ACSM2B: variants seen among roughly 807,000 people sequenced by gnomAD.
ACSM2B encodes acyl-CoA synthetase medium chain family member 2B.
A neutral mutation model predicts 78.6 loss-of-function variants in ACSM2B; 58 were observed. That is an observed-to-expected ratio of 0.74 (90% CI 0.60 to 0.92). The LOEUF (loss-of-function observed/expected upper bound fraction) is 0.92. Ranked by LOEUF, ACSM2B falls within the 40% of genes least tolerant of loss-of-function variation. ACSM2B has a pLI of 0.00. For missense variants in ACSM2B, 688 were observed against 711.2 expected, an observed-to-expected ratio of 0.97 and a Z score of 0.37; for synonymous variants, 257 against 256.8, an observed-to-expected ratio of 1.00 and a Z score of -0.01.
chr16:20,552,325 A>G (rs1359940518), intron 5 of ACSM2B, 28 bp from the exon 6 acceptor site: 2 of 1,597,160 alleles, frequency 1.3e-6, no homozygotes, highest in African/African-American at 1.3e-5. Context: ...ACACATGTAC[A>G]TATAGGTGGG....
At chr16:20,566,750 CT>C (rs2015897968) in intron 1 of ACSM2B, among the ~76,000 whole-genome samples, 1 of 42,440 alleles carries the variant, frequency 2.4e-5, no homozygotes, top group African/African-American at 2.3e-4. Context: ...ACTATATATA[CT>C]ATATATAGTA....
chr16:20,557,560 A>T (rs1413353857), intron 3 of ACSM2B, among the ~76,000 whole-genome samples: 1 of 152,190 alleles, frequency 6.6e-6, no homozygotes, highest in Non-Finnish European at 1.5e-5. Flanking sequence ...ATGACCATCC[A>T]AACAGAGGAT....
chr16:20,543,944 T>G (rs1000412809), intron 10 of ACSM2B, among the ~76,000 whole-genome samples: 2 of 151,966 alleles, frequency 1.3e-5, no homozygotes, highest in South Asian at 2.1e-4. Flanking sequence ...ACATCAAGAG[T>G]TTAGTCTGAA....
chr16:20,572,068 T>G (rs1436144539), intron 1 of ACSM2B, among the ~76,000 whole-genome samples: 2 of 150,644 alleles, frequency 1.3e-5, no homozygotes, highest in Admixed American at 6.6e-5. Context: ...CCATTTACAT[T>G]CAACATTAGT....
rs1403903132 is a variant in ACSM2B, at chr16:20,536,883, C to T, written c.*375G>A. 6.0e-6 allele frequency: 1 copy of T among 167,292 alleles called. No homozygotes were observed. The highest frequency in any genetic ancestry group is 2.4e-5 in the African/African-American group (1 of 41,916). 10.4% of individuals were successfully genotyped at this position (167,292 alleles called of 1,614,324 possible). A position where few individuals can be genotyped will look rare whatever the true frequency, so the allele number is the denominator to read the frequency against. On this transcript the variant is annotated 3_prime_UTR_variant, in exon 14 of 14. Coordinates refer to ENST00000329697, the MANE Select transcript of ACSM2B (RefSeq NM_001105069.2). ...CTCTTTATTTTTCTGATTCTCCCTT[C>T]AATTATTTTTCTTCTATCTTTTCTC...
rs8045697 is a variant in ACSM2B at position 20,552,430 on chromosome 16, C to T, written c.741-133G>A. On this transcript the variant is annotated intron_variant, in intron 5 of 13. Transcript: ENST00000329697. Reference sequence around the variant, plus strand: ...GTGTATCTGCCTGCAGGTTTATAGGCATATGTTTAAGTATAAGTAGGAAGG... The same window carrying T: ...GTGTATCTGCCTGCAGGTTTATAGGTATATGTTTAAGTATAAGTAGGAAGG... 4 of 1,315,060 alleles carry T rather than the reference C, an allele frequency of 3.0e-6. No individual in the cohort carries two copies. In the East Asian group the frequency reaches 7.4e-5, roughly 24 times the overall value. The allele number at this position is 1,315,060 out of a possible 1,614,324, so 81.5% of individuals were successfully genotyped here. A position where few individuals can be genotyped will look rare whatever the true frequency, so the allele number is the denominator to read the frequency against.
chr16:20,546,090 A>G (rs543697013), intron 9 of ACSM2B, among the ~76,000 whole-genome samples: 1 of 152,312 alleles, frequency 6.6e-6, no homozygotes, highest in East Asian at 1.9e-4. Flanking sequence ...CTAGTTACAA[A>G]ATATTATGTC....
At chr16:20,544,595 G>T (rs2152133127) in intron 10 of ACSM2B, 1 of 985,324 alleles carries the variant, frequency 1.0e-6, no homozygotes, top group Non-Finnish European at 1.2e-6. Context: ...CATGCCCTTG[G>T]GTTCTTCTCT....
chr16:20,566,725 C>CTATATATACTATATATAGTATATATACAG (rs1567218549), intron 1 of ACSM2B, among the ~76,000 whole-genome samples: 6 of 22,208 alleles, frequency 2.7e-4, no homozygotes, highest in Non-Finnish European at 3.4e-4. Flanking sequence ...ATAGTATATA[C>CTATATATACTATATATAGTATATATACAG]TATATATAGT....
At chr16:20,546,555 G>T in intron 8 of ACSM2B, 81 bp from the exon 9 acceptor site, 1 of 1,557,086 alleles carries the variant, frequency 6.4e-7, no homozygotes, top group African/African-American at 1.4e-5. Flanking sequence ...CTGCAGAGCG[G>T]GTCCTGACAC....
chr16:20,540,665 A>G lies in ACSM2B; in HGVS notation c.1618T>C (p.Tyr540His). ...HVKSVTAPYK[Y>H]PRKIEFVLNL... ...CTCAAAGGCCTTACCTTTCTTGGGT[A>G]CTTGTATGGGGCTGTCACTGACTTC... Residue 540 changes from tyrosine (Y) to histidine (H), a missense_variant, in exon 13 of 14, where the codon TAC becomes CAC. Transcript: ENST00000329697. 1 of 1,613,968 alleles carries G rather than the reference A, an allele frequency of 6.2e-7. No individual in the cohort carries two copies. Among genetic ancestry groups the G allele is most frequent in the African/African-American group, 1.3e-5 (1 of 75,020 alleles).
In ACSM2B at chr16:20,537,168, G is replaced by C. The variant is rs2014863779; in HGVS notation, c.*90C>G. ...ACTTACATTCATGTTCTTTCATAAA[G>C]AATCTCATATCATCATAGTAAGGCC... On this transcript the variant is annotated 3_prime_UTR_variant, in exon 14 of 14. Coordinates refer to ENST00000329697, the MANE Select transcript of ACSM2B (RefSeq NM_001105069.2). 2 of 1,451,274 alleles carry C rather than the reference G, an allele frequency of 1.4e-6. No individual in the cohort carries two copies. The highest frequency in any genetic ancestry group is 1.9e-5 in the Admixed American group (1 of 53,908). 89.9% of individuals were successfully genotyped at this position (1,451,274 alleles called of 1,614,324 possible).
chr16:20,547,135 C>T (rs892297465), intron 8 of ACSM2B: 164 of 1,022,270 alleles, frequency 1.6e-4, no homozygotes, highest in Middle Eastern at 5.1e-4. Context: ...CATCTTTTCC[C>T]GCCACCCACT....
intron 6 of ACSM2B, among the ~76,000 whole-genome samples, chr16:20,550,670 T>A (rs1040315917): frequency 1.2e-4 from 19 of 152,266 alleles, no homozygotes; most frequent in Middle Eastern, 3.4e-3. Context: ...GCTTGAACCT[T>A]TGCTGCAGCC....
chr16:20,552,633 C>G (rs1319429990), intron 5 of ACSM2B, among the ~76,000 whole-genome samples: 1 of 152,128 alleles, frequency 6.6e-6, no homozygotes, highest in African/African-American at 2.4e-5. Flanking sequence ...TTTACTAACA[C>G]AAGACATCTG....
intron 2 of ACSM2B, among the ~76,000 whole-genome samples, chr16:20,563,198 A>T (rs2015719091): frequency 6.6e-6 from 1 of 152,218 alleles, no homozygotes; most frequent in South Asian, 2.1e-4. Flanking sequence ...GATAGGTGCA[A>T]AAAAGTTATT....
intron 5 of ACSM2B, 133 bp from the exon 6 acceptor site, chr16:20,552,430 C>A (rs8045697): frequency 0.05 from 65,141 of 1,314,596 alleles, 5,742 homozygotes; most frequent in African/African-American, 0.37. Context: ...GGTTTATAGG[C>A]ATATGTTTAA....
intron 4 of ACSM2B, chr16:20,554,185 A>C: frequency 1.6e-6 from 1 of 619,296 alleles, no homozygotes; most frequent in South Asian, 1.6e-5. Context: ...TATCTGCAAA[A>C]AAGTGAGATC....
intron 3 of ACSM2B, among the ~76,000 whole-genome samples, chr16:20,558,933 T>C (rs2015557047): frequency 6.6e-6 from 1 of 152,240 alleles, no homozygotes; most frequent in African/African-American, 2.4e-5. Flanking sequence ...AATAGAATTC[T>C]CATACCACTT....
Sources: allele counts gnomAD v4.1 joint callset (sites outside exome capture counted in the v4.1 genomes callset), GRCh38; gene constraint gnomAD v4.1.1; transcripts MANE v1.5; gene names NCBI Gene and HGNC (gene_info 2026-07-23, HGNC 2026-07-21).